LRRC37A2: variants seen among roughly 807,000 people sequenced by gnomAD.
LRRC37A2 encodes the protein leucine rich repeat containing 37 member A2.
Under a neutral mutation model 68.8 loss-of-function variants are expected in LRRC37A2, and 9 were observed. The observed-to-expected ratio is 0.13, with a 90% CI of 0.08 to 0.23. The LOEUF (loss-of-function observed/expected upper bound fraction) is 0.23, where lower values mean the gene tolerates loss of function less well. Among genes scored for constraint, LRRC37A2 ranks in the 10% least tolerant of loss-of-function variants. The pLI, the probability that LRRC37A2 is intolerant of heterozygous loss-of-function variation, is 1.00. For synonymous variants in LRRC37A2, 63 were observed against 367.6 expected (o/e 0.17, Z 9.48); for missense variants, 168 against 950.4 (o/e 0.18, Z 10.82).
the LRRC37A2 span, chr17:46,722,052 G>A: frequency 6.2e-7 from 1 of 1,609,898 alleles, no homozygotes; most frequent in Non-Finnish European, 8.5e-7. Context: ...TCCCTGAGCT[G>A]AGCCTTGAGG....
At chr17:46,906,768 C>T in the LRRC37A2 span, among the ~76,000 whole-genome samples, 1 of 152,080 alleles carries the variant, frequency 6.6e-6, no homozygotes, top group Non-Finnish European at 1.5e-5. Context: ...GATCACCCAT[C>T]TAGTAAGCAG....
At chr17:46,809,341 G>A in the LRRC37A2 span, among the ~76,000 whole-genome samples, 7 of 152,208 alleles carry the variant, frequency 4.6e-5, no homozygotes, top group Non-Finnish European at 2.9e-5. Flanking sequence ...TGGGCCCTGC[G>A]AGATTGGTTT....
At chr17:46,930,047 AT>A in the LRRC37A2 span, 62,773 of 123,800 alleles carry the variant, frequency 0.51, 13,557 homozygotes, top group Non-Finnish European at 0.55. Context: ...GTTTTTTTTC[AT>A]TTTTTTTTTT....
At chr17:46,868,760 G>A in the LRRC37A2 span, among the ~76,000 whole-genome samples, 2 of 152,154 alleles carry the variant, frequency 1.3e-5, no homozygotes, top group Non-Finnish European at 2.9e-5. Flanking sequence ...CCCAGTGAGT[G>A]GTGTCTGCAG....
chr17:47,010,526 G>A, the LRRC37A2 span: 1 of 152,334 alleles, frequency 6.6e-6, no homozygotes, highest in Admixed American at 6.5e-5. Context: ...TGCTTGGCCA[G>A]TTTGCATGGT....
the LRRC37A2 span, among the ~76,000 whole-genome samples, chr17:47,005,391 C>G: frequency 1.3e-3 from 197 of 152,246 alleles, 2 homozygotes; most frequent in East Asian, 5.0e-3. Context: ...TTCAGCTTCC[C>G]GTGAGCAACT....
chr17:46,842,220 A>C, the LRRC37A2 span, among the ~76,000 whole-genome samples: 16 of 152,292 alleles, frequency 1.1e-4, no homozygotes, highest in Middle Eastern at 3.4e-3. Flanking sequence ...TTCAGGCGCA[A>C]ACTGGGTTGT....
chr17:46,765,946 A>G, the LRRC37A2 span, among the ~76,000 whole-genome samples: 3 of 152,212 alleles, frequency 2.0e-5, no homozygotes, highest in Non-Finnish European at 4.4e-5. Flanking sequence ...AGTGTCCTCC[A>G]CTGGTCACAG....
the LRRC37A2 span, among the ~76,000 whole-genome samples, chr17:46,875,552 T>C: frequency 1.3e-5 from 2 of 152,158 alleles, no homozygotes; most frequent in South Asian, 2.1e-4. Context: ...TGTGACTGGG[T>C]GCCAGGAACA....
the LRRC37A2 span, chr17:46,922,828 G>A: frequency 3.3e-6 from 1 of 301,978 alleles, no homozygotes; most frequent in South Asian, 5.0e-5. Flanking sequence ...CCTCTCTGCG[G>A]CAGAGAACAG....
chr17:46,873,940 G>A, the LRRC37A2 span, among the ~76,000 whole-genome samples: 17 of 149,386 alleles, frequency 1.1e-4, no homozygotes, highest in Non-Finnish European at 1.8e-4. Flanking sequence ...AGTGAGCCAA[G>A]ATTGTGTCAC....
chr17:47,025,351 T>C, the LRRC37A2 span, among the ~76,000 whole-genome samples: 1 of 152,178 alleles, frequency 6.6e-6, no homozygotes, highest in Admixed American at 6.5e-5. Context: ...TATTCCAGAA[T>C]TTTTGGTAAT....
chr17:46,860,805 T>A, the LRRC37A2 span, among the ~76,000 whole-genome samples: 1 of 152,262 alleles, frequency 6.6e-6, no homozygotes, highest in Non-Finnish European at 1.5e-5. Flanking sequence ...CCTCACATTG[T>A]GGCAACCCAG....
At chr17:46,900,196 T>TACAC in the LRRC37A2 span, among the ~76,000 whole-genome samples, 5 of 105,576 alleles carry the variant, frequency 4.7e-5, no homozygotes, top group African/African-American at 2.4e-4. Flanking sequence ...TATATATATA[T>TACAC]ATATATACAC....
At chr17:46,812,102 C>T in the LRRC37A2 span, among the ~76,000 whole-genome samples, 1 of 152,228 alleles carries the variant, frequency 6.6e-6, no homozygotes, top group Admixed American at 6.5e-5. Context: ...TTGGAGAAGT[C>T]CCGGGAGATG....
the LRRC37A2 span, chr17:47,017,772 AG>A: frequency 6.2e-7 from 1 of 1,610,664 alleles, no homozygotes; most frequent in Non-Finnish European, 8.5e-7. Flanking sequence ...GTATCCCGGT[AG>A]CCTGCCTCCA....
At chr17:46,874,112 C>A in the LRRC37A2 span, among the ~76,000 whole-genome samples, 1 of 152,090 alleles carries the variant, frequency 6.6e-6, no homozygotes, top group African/African-American at 2.4e-5. Context: ...CGGGACATCA[C>A]CAGCACCCAG....
the LRRC37A2 span, among the ~76,000 whole-genome samples, chr17:46,967,230 G>A: frequency 6.6e-6 from 1 of 152,240 alleles, no homozygotes; most frequent in Non-Finnish European, 1.5e-5. Flanking sequence ...TCAGACACCA[G>A]TCTGCCTGGG....
At chr17:46,722,300 C>T in the LRRC37A2 span, 1 of 761,522 alleles carries the variant, frequency 1.3e-6, no homozygotes, top group Middle Eastern at 3.6e-4. Flanking sequence ...ACCTTCTTAC[C>T]TCCAGCCTCA....
Sources: allele counts gnomAD v4.1 joint callset (sites outside exome capture counted in the v4.1 genomes callset), GRCh38; gene constraint gnomAD v4.1.1; transcripts MANE v1.5; gene names NCBI Gene and HGNC (gene_info 2026-07-23, HGNC 2026-07-21).